PDZRN4: variants seen among roughly 807,000 people sequenced by gnomAD.
The protein encoded by PDZRN4 is PDZ domain-containing RING finger protein 4.
PDZRN4 carries 70 observed loss-of-function variants against 99.0 expected under a neutral mutation model. The observed-to-expected ratio is 0.71, with a 90% confidence interval of 0.58 to 0.86. The LOEUF is 0.86. Among genes scored for constraint, PDZRN4 ranks in the 40% least tolerant of loss-of-function variants. PDZRN4 has a pLI of 0.00. For synonymous variants in PDZRN4, 551 were observed against 501.6 expected (o/e 1.10, Z -1.32); for missense variants, 1,474 against 1,331.2 (o/e 1.11, Z -1.67).
At chr12:41,395,385 T>A (rs2121128858) in intron 3 of PDZRN4, among the ~76,000 whole-genome samples, 1 of 152,226 alleles carries the variant, frequency 6.6e-6, no homozygotes, top group South Asian at 2.1e-4. Flanking sequence ...ATTCTGAAAT[T>A]ATTTGATTGG....
intron 3 of PDZRN4, among the ~76,000 whole-genome samples, chr12:41,502,568 A>G (rs1211077642): frequency 1.3e-5 from 2 of 152,040 alleles, no homozygotes; most frequent in African/African-American, 4.8e-5. Flanking sequence ...AAATCAACTC[A>G]TCTGTATTCC....
intron 3 of PDZRN4, among the ~76,000 whole-genome samples, chr12:41,389,068 T>C (rs1177089042): frequency 6.6e-6 from 1 of 152,092 alleles, no homozygotes; most frequent in Non-Finnish European, 1.5e-5. Context: ...ATGGTTATGG[T>C]TGGATAGTTA....
At chr12:41,449,866 G>A (rs927033872) in intron 3 of PDZRN4, among the ~76,000 whole-genome samples, 1 of 151,814 alleles carries the variant, frequency 6.6e-6, no homozygotes, top group African/African-American at 2.4e-5. Flanking sequence ...CGTGGTTTTT[G>A]TCCATCATTG....
intron 3 of PDZRN4, among the ~76,000 whole-genome samples, chr12:41,261,601 T>C (rs958184863): frequency 2.0e-5 from 3 of 152,186 alleles, no homozygotes; most frequent in Non-Finnish European, 1.5e-5. Context: ...GCCATTCTCC[T>C]GCCTCAGCCT....
At chr12:41,285,116 G>C (rs1382974287) in intron 3 of PDZRN4, among the ~76,000 whole-genome samples, 1 of 151,970 alleles carries the variant, frequency 6.6e-6, no homozygotes, top group Non-Finnish European at 1.5e-5. Context: ...ATCTGACAAA[G>C]GGCTAATATC....
chr12:41,200,337 A>G (rs1191798885), intron 3 of PDZRN4, among the ~76,000 whole-genome samples: 1 of 152,158 alleles, frequency 6.6e-6, no homozygotes, highest in African/African-American at 2.4e-5. Context: ...AGATTTTCCA[A>G]CTAGGTGGTC....
chr12:41,558,283 G>A (rs1650574974), intron 7 of PDZRN4, among the ~76,000 whole-genome samples: 1 of 152,158 alleles, frequency 6.6e-6, no homozygotes, highest in Non-Finnish European at 1.5e-5. Context: ...TGGAAGATCT[G>A]TGCCCCAACA....
Position 41,573,312 on chromosome 12 carries a change from G to A in PDZRN4, c.2533G>A (p.Ala845Thr), listed in dbSNP as rs1939517899. The change falls in exon 10 of 10, where the codon GCA becomes ACA. Residue 845 changes from alanine (A) to threonine (T), a missense_variant. By Grantham distance (58) the Ala-to-Thr change is moderately conservative. Coordinates refer to ENST00000402685, the MANE Select transcript of PDZRN4 (RefSeq NM_001164595.2). ...SSSYRYANIP[A>T]HARHYQSYMQ... ...CTCATATAGATATGCAAACATCCCA[G>A]CACACGCCCGGCATTATCAAAGCTA... 6.2e-7 allele frequency: 1 copy of A among 1,613,232 alleles called. No homozygotes were observed. The highest frequency in any genetic ancestry group is 8.5e-7 in the Non-Finnish European group (1 of 1,179,996).
chr12:41,429,325 T>C (rs1217607290), intron 3 of PDZRN4, among the ~76,000 whole-genome samples: 7 of 152,166 alleles, frequency 4.6e-5, no homozygotes, highest in Admixed American at 4.6e-4. Context: ...ATTCTACAGT[T>C]ATCAGTACAT....
At chr12:41,403,234 G>C (rs1375615763) in intron 3 of PDZRN4, among the ~76,000 whole-genome samples, 2 of 152,138 alleles carry the variant, frequency 1.3e-5, no homozygotes, top group Non-Finnish European at 2.9e-5. Context: ...CGGGGTGAAA[G>C]TTTGGGAAAA....
rs2121057868 is a variant in PDZRN4 at position 41,360,900 on chromosome 12, A to T, written c.844-145556A>T. ...GGGTTACCAAATTAGAGCAAAAAAT[A>T]TCCCAAAAAACCTATTTATCATTCC... On this transcript the variant is annotated intron_variant, in intron 3 of 9. Coordinates refer to ENST00000402685, the MANE Select transcript of PDZRN4 (RefSeq NM_001164595.2). 2.0e-5 allele frequency among the ~76,000 whole-genome samples: 3 copies of T among 152,106 alleles called. No individual in the cohort carries two copies. The South Asian group carries it at 6.2e-4, about 32-fold the overall frequency.
intron 3 of PDZRN4, among the ~76,000 whole-genome samples, chr12:41,204,729 C>G (rs146917531): frequency 2.6e-5 from 4 of 151,990 alleles, no homozygotes; most frequent in African/African-American, 9.7e-5. Flanking sequence ...TCTCCCTTGA[C>G]GTGGGGATTA....
At chr12:41,378,108 G>C (rs1187339724) in intron 3 of PDZRN4, among the ~76,000 whole-genome samples, 3 of 151,952 alleles carry the variant, frequency 2.0e-5, no homozygotes, top group African/African-American at 7.3e-5. Context: ...TGTTAGCTGT[G>C]GACTTATCAT....
At chr12:41,385,602 C>A (rs968510672) in intron 3 of PDZRN4, among the ~76,000 whole-genome samples, 1 of 151,980 alleles carries the variant, frequency 6.6e-6, no homozygotes, top group Non-Finnish European at 1.5e-5. Context: ...GCACATACAC[C>A]CTTCCAAGAC....
At position 41,406,347 on chromosome 12, in the gene PDZRN4, C is replaced by CA. The variant is rs111522219; in HGVS notation, c.844-100102dup. Among the ~76,000 whole-genome samples the CA allele has an allele frequency of 7.6e-4, 115 of 151,968 alleles. 1 individual carries two copies. Among genetic ancestry groups the CA allele is most frequent in the Middle Eastern group, 3.4e-3 (1 of 294 alleles). Reference sequence around the variant, plus strand: ...TAAAACAGTTTGGTTGAAAACGAAACAAAAAAATGTATAAAAGAAAAAATC... The same window carrying CA: ...TAAAACAGTTTGGTTGAAAACGAAACAAAAAAAATGTATAAAAGAAAAAATC... On this transcript the variant is annotated intron_variant, in intron 3 of 9. Transcript: ENST00000402685.
intron 5 of PDZRN4, among the ~76,000 whole-genome samples, chr12:41,516,331 A>G (rs977299493): frequency 2.0e-5 from 3 of 152,076 alleles, no homozygotes; most frequent in Non-Finnish European, 4.4e-5. Flanking sequence ...ATGCCCTGGC[A>G]CACAGTGAGT....
intron 5 of PDZRN4, among the ~76,000 whole-genome samples, chr12:41,548,910 T>C (rs1192513351): frequency 1.3e-5 from 2 of 152,254 alleles, no homozygotes; most frequent in Non-Finnish European, 2.9e-5. Context: ...ACTCTAATCT[T>C]CTACTCCACC....
chr12:41,406,407 G>A (rs1373974410), intron 3 of PDZRN4, among the ~76,000 whole-genome samples: 2 of 152,118 alleles, frequency 1.3e-5, no homozygotes, highest in African/African-American at 2.4e-5. Flanking sequence ...GGCTCCTTAC[G>A]TCATTACCAA....
At chr12:41,295,332 CA>C (rs1356332798) in intron 3 of PDZRN4, among the ~76,000 whole-genome samples, 2 of 151,854 alleles carry the variant, frequency 1.3e-5, no homozygotes, top group Non-Finnish European at 2.9e-5. Flanking sequence ...GTCATCAAAT[CA>C]AAAATAGTCC....
Sources: allele counts gnomAD v4.1 joint callset (sites outside exome capture counted in the v4.1 genomes callset), GRCh38; gene constraint gnomAD v4.1.1; transcripts MANE v1.5; gene names NCBI Gene and HGNC (gene_info 2026-07-23, HGNC 2026-07-21).